Variants in CDH1 observed in about 807,000 individuals in gnomAD.
CDH1 encodes the protein cadherin-1.
In CDH1, 35 loss-of-function variants were observed where a neutral mutation model predicts 84.5. That is an observed-to-expected ratio of 0.41 (90% CI 0.32 to 0.55). CDH1 has a LOEUF of 0.55. Ranked by LOEUF, CDH1 falls within the 20% of genes least tolerant of loss-of-function variation. CDH1 has a pLI of 0.19. For missense variants in CDH1, 994 were observed against 1,126.6 expected (o/e 0.88, Z 1.68); for synonymous variants, 417 against 439.0 (o/e 0.95, Z 0.63).
chr16:68,813,630 A>G lies in CDH1; in HGVS notation c.1320+135A>G, dbSNP rs184127216. ...TGACTTTCCCAGATTGTAGTGGACC[A>G]TGTGGGATTTGCAGTGGCTCTTCCT... On this transcript the variant is annotated intron_variant, in intron 9 of 15. Coordinates refer to ENST00000261769, the MANE Select transcript of CDH1 (RefSeq NM_004360.5). 329 of 878,678 alleles carry G rather than the reference A, an allele frequency of 3.7e-4. 2 individuals carry two copies. In the East Asian group the frequency reaches 7.5e-3, roughly 20 times the overall value. The allele number at this position is 878,678 out of a possible 1,614,324, so 54.4% of individuals were successfully genotyped here.
At chr16:68,747,567 C>T (rs1962776734) in intron 2 of CDH1, among the ~76,000 whole-genome samples, 1 of 152,288 alleles carries the variant, frequency 6.6e-6, no homozygotes, top group Non-Finnish European at 1.5e-5. Context: ...TTCCCTGGGG[C>T]ACAGGGAACA....
At chr16:68,780,135 G>A (rs1040386029) in intron 2 of CDH1, among the ~76,000 whole-genome samples, 4 of 150,342 alleles carry the variant, frequency 2.7e-5, no homozygotes, top group East Asian at 3.9e-4. Context: ...CCTTCCAAAG[G>A]GGACCGTGTG....
At chr16:68,745,272 A>C (rs1012315529) in intron 2 of CDH1, among the ~76,000 whole-genome samples, 6 of 151,642 alleles carry the variant, frequency 4.0e-5, no homozygotes, top group African/African-American at 1.2e-4. Flanking sequence ...ACTTGAGCCC[A>C]GGAGTTTGAG....
chr16:68,760,003 A>C, intron 2 of CDH1, among the ~76,000 whole-genome samples: 1 of 150,476 alleles, frequency 6.6e-6, no homozygotes. Flanking sequence ...CCCCTTTTCC[A>C]CCGTGCCCGG....
At chr16:68,780,615 C>T (rs1036705414) in intron 2 of CDH1, among the ~76,000 whole-genome samples, 2 of 152,138 alleles carry the variant, frequency 1.3e-5, no homozygotes, top group Admixed American at 6.6e-5. Flanking sequence ...TTCTCTACAG[C>T]GTTTACTACC....
At chr16:68,742,442 G>A in intron 2 of CDH1, 1 of 154,308 alleles carries the variant, frequency 6.5e-6, no homozygotes, top group Non-Finnish European at 1.4e-5. Context: ...TCCATGCCTG[G>A]CTAATTTTTG....
intron 2 of CDH1, among the ~76,000 whole-genome samples, chr16:68,783,333 G>T (rs1959935625): frequency 6.7e-6 from 1 of 149,298 alleles, no homozygotes; most frequent in Non-Finnish European, 1.5e-5. Flanking sequence ...GGAGGTGAAG[G>T]TTGCAGTGAG....
rs1288999955 is a variant in CDH1, at chr16:68,835,163, C to G, written c.*1664C>G. On this transcript the variant is annotated 3_prime_UTR_variant, in exon 16 of 16. Transcript: ENST00000261769. ...TCTTAGGAGCAAGAAGAAAATGTGG[C>G]CCTAAAGGGGGTTAGTTGAGGGGTA... 1 of 231,190 alleles carries G rather than the reference C, an allele frequency of 4.3e-6. No individual in the cohort carries two copies. Among genetic ancestry groups the G allele is most frequent in the Non-Finnish European group, 8.6e-6 (1 of 116,896 alleles). The allele number at this position is 231,190 out of a possible 1,614,324, so 14.3% of individuals were successfully genotyped here.
chr16:68,821,230 T>TC (rs1269557968), intron 11 of CDH1, among the ~76,000 whole-genome samples: 3 of 152,086 alleles, frequency 2.0e-5, no homozygotes, highest in Non-Finnish European at 4.4e-5. Flanking sequence ...CCCAACACTT[T>TC]CAGAGGCTAA....
At chr16:68,803,951 A>G (rs1160885302) in intron 3 of CDH1, among the ~76,000 whole-genome samples, 1 of 151,550 alleles carries the variant, frequency 6.6e-6, no homozygotes, top group African/African-American at 2.4e-5. Flanking sequence ...TCAGCACATG[A>G]CCTCATCCTC....
At chr16:68,820,126 A>G (rs11865687) in intron 11 of CDH1, among the ~76,000 whole-genome samples, 149,221 of 152,008 alleles carry the variant, frequency 0.98, 73,253 homozygotes, top group East Asian at 1. Context: ...TTGAGTCTGA[A>G]AGGTGGAGGC....
intron 13 of CDH1, among the ~76,000 whole-genome samples, chr16:68,827,801 G>A (rs1009985998): frequency 6.6e-6 from 1 of 151,998 alleles, no homozygotes; most frequent in African/African-American, 2.4e-5. Flanking sequence ...CTACAGCCAT[G>A]CTGGCCTCCT....
rs2152134657 is a variant in CDH1, at chr16:68,815,507, C to T, written c.1321-8C>T. ...TTTGTTTTTAACTTCATTGTTTCTGCTCTCTAGGGCTTGGATTTTGAGGCC... is the reference window on the plus strand; with the variant it reads ...TTTGTTTTTAACTTCATTGTTTCTGTTCTCTAGGGCTTGGATTTTGAGGCC... On this transcript the variant is annotated splice_region_variant and splice_polypyrimidine_tract_variant and intron_variant, in intron 9 of 15. Coordinates refer to ENST00000261769, the MANE Select transcript of CDH1 (RefSeq NM_004360.5). The T allele has an allele frequency of 6.2e-7, 1 of 1,614,124 alleles. No individual in the cohort carries two copies. Among genetic ancestry groups the T allele is most frequent in the Non-Finnish European group, 8.5e-7 (1 of 1,180,024 alleles).
At chr16:68,823,688 T>C in intron 13 of CDH1, 62 bp downstream of exon 13, 1 of 1,126,400 alleles carries the variant, frequency 8.9e-7, no homozygotes, top group Non-Finnish European at 1.3e-6. Context: ...GTTTATTTCC[T>C]GGAAATGATT....
At chr16:68,795,454 A>G (rs1960332884) in intron 2 of CDH1, among the ~76,000 whole-genome samples, 1 of 152,160 alleles carries the variant, frequency 6.6e-6, no homozygotes. Context: ...GATTACAGGT[A>G]TGAGCCACCA....
At chr16:68,742,622 C>T (rs1268568550) in intron 2 of CDH1, 2 of 152,540 alleles carry the variant, frequency 1.3e-5, no homozygotes, top group African/African-American at 4.8e-5. Flanking sequence ...GAGTTTTGCT[C>T]TTGTTGCCCA....
chr16:68,830,601 C>G (rs1961459269), intron 15 of CDH1, among the ~76,000 whole-genome samples: 1 of 152,058 alleles, frequency 6.6e-6, no homozygotes, highest in South Asian at 2.1e-4. Flanking sequence ...TTGGGGTGAG[C>G]AGTCTAGGCC....
intron 2 of CDH1, among the ~76,000 whole-genome samples, chr16:68,742,327 T>C (rs1030899734): frequency 4.6e-5 from 7 of 151,540 alleles, no homozygotes; most frequent in African/African-American, 1.7e-4. Flanking sequence ...TTGCCCAGAC[T>C]GGAGTGCAGT....
chr16:68,792,094 G>C (rs1567496952), intron 2 of CDH1, among the ~76,000 whole-genome samples: 1 of 151,210 alleles, frequency 6.6e-6, no homozygotes, highest in African/African-American at 2.4e-5. Flanking sequence ...CTTAAATTTT[G>C]AATTTTTGTA....
Sources: gnomAD v4.1 joint callset for allele counts (sites outside exome capture counted in the v4.1 genomes callset) on GRCh38, gnomAD v4.1.1 for gene constraint, MANE v1.5 for transcripts, NCBI Gene and HGNC (gene_info 2026-07-23, HGNC 2026-07-21) for gene names.